Variants in RABGAP1L observed in about 807,000 individuals in gnomAD.
RABGAP1L encodes RAB GTPase activating protein 1 like.
In RABGAP1L, 63 loss-of-function variants were observed where a neutral mutation model predicts 137.7. The observed-to-expected ratio is 0.46, with a 90% CI of 0.37 to 0.56. The LOEUF is 0.56. RABGAP1L is among the 20% of genes least tolerant of loss of function. The probability of loss-of-function intolerance (pLI) is 0.00; values close to 1 mark genes in which losing one functional copy is unlikely to be tolerated. For synonymous variants in RABGAP1L, 431 were observed against 433.7 expected, an observed-to-expected ratio of 0.99 and a Z score of 0.08; for missense variants, 1,095 against 1,244.0, an observed-to-expected ratio of 0.88 and a Z score of 1.80.
chr1:174,937,230 C>T (rs987972197), intron 19 of RABGAP1L, among the ~76,000 whole-genome samples: 9 of 151,506 alleles, frequency 5.9e-5, no homozygotes, highest in East Asian at 3.9e-4. Context: ...CTACCCGCTT[C>T]GGCCTCCCAA....
At chr1:174,434,151 A>ACACACACACACACACACAC (rs1361968902) in intron 13 of RABGAP1L, among the ~76,000 whole-genome samples, 1 of 147,516 alleles carries the variant, frequency 6.8e-6, no homozygotes, top group Non-Finnish European at 1.5e-5. Context: ...ACACACACAC[A>ACACACACACACACACACAC]CCCTGCCTGG....
intron 3 of RABGAP1L, among the ~76,000 whole-genome samples, chr1:174,225,494 C>CTTT (rs59323156): frequency 0.011 from 1,134 of 105,624 alleles, 18 homozygotes; most frequent in African/African-American, 0.019. Flanking sequence ...AGAATGTTGA[C>CTTT]TTTTTTTTTT....
Position 174,550,988 on chromosome 1 carries a change from A to ATATATATATATATG in RABGAP1L, c.1711-86379_1711-86378insTATATGTATATATA, listed in dbSNP as rs1394393682. Among the ~76,000 whole-genome samples, 317 of 100,380 alleles carry ATATATATATATATG rather than the reference A, an allele frequency of 3.2e-3. 13 individuals carry two copies. Among genetic ancestry groups the ATATATATATATATG allele is most frequent in the African/African-American group, 0.019 (306 of 15,924 alleles). The allele number at this position is 100,380 out of a possible 152,430, so 65.9% of individuals were successfully genotyped here. A position where few individuals can be genotyped will look rare whatever the true frequency, so the allele number is the denominator to read the frequency against. The stretch of plus-strand genomic sequence containing the variant: ...TATATATACATGTATATATACATAT[A>ATATATATATATATG]TATATATACACATATATATATATAT... On this transcript the variant is annotated intron_variant, in intron 13 of 25. Coordinates refer to ENST00000681986, the MANE Select transcript of RABGAP1L (RefSeq NM_001366446.1).
chr1:174,695,965 C>T (rs1183723590), intron 15 of RABGAP1L, among the ~76,000 whole-genome samples: 1 of 152,074 alleles, frequency 6.6e-6, no homozygotes, highest in African/African-American at 2.4e-5. Flanking sequence ...TTTTTTTCTC[C>T]TCATGCTGGG....
intron 10 of RABGAP1L, among the ~76,000 whole-genome samples, chr1:174,280,087 GA>G (rs1385540062): frequency 1.4e-5 from 2 of 146,150 alleles, no homozygotes; most frequent in Non-Finnish European, 3.0e-5. Flanking sequence ...GAGAGAGAGA[GA>G]GAGACATTAA....
chr1:174,187,672 G>A lies in RABGAP1L; in HGVS notation c.-34+28015G>A, dbSNP rs59872079. Among the ~76,000 whole-genome samples, 874 of 152,104 alleles carry A rather than the reference G, an allele frequency of 5.7e-3. 8 individuals carry two copies. Among genetic ancestry groups the A allele is most frequent in the African/African-American group, 0.02 (833 of 41,508 alleles). On this transcript the variant is annotated intron_variant, in intron 1 of 25. Coordinates refer to ENST00000681986, the MANE Select transcript of RABGAP1L (RefSeq NM_001366446.1). Reference sequence around the variant, plus strand: ...TAATTAGGACCCTTTTTAAAACATGGGGGCAATGTTGCTTATCTTTTTAAA... The same window carrying A: ...TAATTAGGACCCTTTTTAAAACATGAGGGCAATGTTGCTTATCTTTTTAAA...
At chr1:174,299,459 C>G (rs990113414) in intron 10 of RABGAP1L, among the ~76,000 whole-genome samples, 1 of 152,196 alleles carries the variant, frequency 6.6e-6, no homozygotes, top group African/African-American at 2.4e-5. Context: ...AAAATAACCA[C>G]TTTCTCCAAT....
chr1:174,973,500 T>C lies in RABGAP1L; in HGVS notation c.2545-2578T>C, dbSNP rs535414328. Among the ~76,000 whole-genome samples the C allele has an allele frequency of 9.9e-5, 15 of 151,336 alleles. No homozygotes were observed. In the East Asian group the frequency reaches 2.8e-3, roughly 28 times the overall value. On this transcript the variant is annotated intron_variant, in intron 21 of 25. Transcript: ENST00000681986. ...CCTGGTTTCGAGCAATTCTCCTGCC[T>C]CTGTCTCCTGAGTAGCTGGAATTAC...
At chr1:174,948,302 C>T (rs908228342) in intron 19 of RABGAP1L, among the ~76,000 whole-genome samples, 6 of 152,022 alleles carry the variant, frequency 3.9e-5, no homozygotes, top group Admixed American at 3.3e-4. Context: ...GGTCAGATCA[C>T]TTGAGCCCAG....
At chr1:174,337,187 T>C (rs1681560083) in intron 11 of RABGAP1L, among the ~76,000 whole-genome samples, 1 of 152,096 alleles carries the variant, frequency 6.6e-6, no homozygotes, top group African/African-American at 2.4e-5. Context: ...AGAGTTCAGA[T>C]GACTGTAATC....
At chr1:174,545,301 A>G (rs921417977) in intron 13 of RABGAP1L, 3 of 142,476 alleles carry the variant, frequency 2.1e-5, no homozygotes, top group East Asian at 2.1e-4. Context: ...AGCTTCAGCA[A>G]TGGCGGATGC....
rs528191933 is a variant in RABGAP1L at position 174,388,622 on chromosome 1, A to G, written c.1560-5373A>G. Among the ~76,000 whole-genome samples the G allele has an allele frequency of 4.6e-5, 7 of 152,196 alleles. 1 individual carries two copies. In the East Asian group the frequency reaches 1.3e-3, roughly 29 times the overall value. Reference sequence around the variant, plus strand: ...TGCTGATGATTTAACTATTATTTAAATAATTTAAAGGATTAGGCAGAATAA... The same window carrying G: ...TGCTGATGATTTAACTATTATTTAAGTAATTTAAAGGATTAGGCAGAATAA... On this transcript the variant is annotated intron_variant, in intron 12 of 25. Transcript: ENST00000681986.
intron 17 of RABGAP1L, among the ~76,000 whole-genome samples, chr1:174,721,691 A>ATGGT (rs1284878366): frequency 1.1e-4 from 16 of 152,342 alleles, no homozygotes; most frequent in African/African-American, 3.8e-4. Flanking sequence ...AGCAGTTACC[A>ATGGT]AATAGGGGAA....
At chr1:174,321,575 A>G (rs1679991689) in intron 11 of RABGAP1L, among the ~76,000 whole-genome samples, 1 of 152,152 alleles carries the variant, frequency 6.6e-6, no homozygotes, top group Admixed American at 6.6e-5. Context: ...CTACATTGAA[A>G]TATTGGGGGT....
At chr1:174,281,113 C>T (rs566309208) in intron 10 of RABGAP1L, among the ~76,000 whole-genome samples, 5 of 152,160 alleles carry the variant, frequency 3.3e-5, no homozygotes, top group South Asian at 2.1e-4. Flanking sequence ...AAAGGTAGTG[C>T]GGACCCAAAG....
At chr1:174,696,905 T>C (rs906171187) in intron 15 of RABGAP1L, among the ~76,000 whole-genome samples, 1 of 152,230 alleles carries the variant, frequency 6.6e-6, no homozygotes, top group African/African-American at 2.4e-5. Flanking sequence ...TTGGTGTTCT[T>C]GAGGGAGGAT....
chr1:174,943,617 C>T (rs1235045951), intron 19 of RABGAP1L, among the ~76,000 whole-genome samples: 2 of 152,072 alleles, frequency 1.3e-5, no homozygotes, highest in African/African-American at 4.8e-5. Flanking sequence ...AGGCGGATCA[C>T]GAGGTCAGGA....
chr1:174,334,731 C>T (rs964107787), intron 11 of RABGAP1L, among the ~76,000 whole-genome samples: 1 of 152,088 alleles, frequency 6.6e-6, no homozygotes, highest in East Asian at 1.9e-4. Context: ...TGAATGCTAT[C>T]TTCTTAGTGA....
chr1:174,672,643 G>A (rs918965329), intron 14 of RABGAP1L, among the ~76,000 whole-genome samples: 1 of 151,338 alleles, frequency 6.6e-6, no homozygotes, highest in Admixed American at 6.6e-5. Flanking sequence ...CATAGGTTTT[G>A]GTATGTTGTA....
Sources: allele counts gnomAD v4.1 joint callset (sites outside exome capture counted in the v4.1 genomes callset), GRCh38; gene constraint gnomAD v4.1.1; transcripts MANE v1.5; gene names NCBI Gene and HGNC (gene_info 2026-07-23, HGNC 2026-07-21).